The following DZANK1 variants were observed in gnomAD, a reference collection of about 807,000 sequenced individuals.
The protein encoded by DZANK1 is double zinc ribbon and ankyrin repeat domains 1.
A neutral mutation model predicts 94.5 loss-of-function variants in DZANK1; 91 were observed. The ratio of observed to expected loss-of-function variants is 0.96; its 90% CI spans 0.81 to 1.15. The LOEUF (loss-of-function observed/expected upper bound fraction) is 1.15. Among genes scored for constraint, DZANK1 ranks in the 50% most tolerant of loss-of-function variants. DZANK1 has a pLI of 0.00. For synonymous variants in DZANK1, 312 were observed against 325.3 expected, an observed-to-expected ratio of 0.96 and a Z score of 0.44; for missense variants, 903 against 916.4, an observed-to-expected ratio of 0.99 and a Z score of 0.19.
At chr20:18,385,827 T>C (rs1018596398) in intron 19 of DZANK1, among the ~76,000 whole-genome samples, 3 of 152,132 alleles carry the variant, frequency 2.0e-5, no homozygotes, top group African/African-American at 7.2e-5. Flanking sequence ...ACACCAATCT[T>C]AGAAACCAGG....
chr20:18,465,332 A>C, exon 2 of DZANK1: 4 of 1,607,678 alleles, frequency 2.5e-6, no homozygotes, highest in Non-Finnish European at 3.4e-6. Context: ...GTATGATCTG[A>C]GGGACACACA....
rs16979098 is a variant in DZANK1, at chr20:18,421,797, C to T, written c.954+5270G>A. 2.4e-3 allele frequency among the ~76,000 whole-genome samples: 363 copies of T among 152,298 alleles called. 5 individuals carry two copies. Among genetic ancestry groups the T allele is most frequent in the Admixed American group, 0.02 (305 of 15,300 alleles). ...TCAGCTGGATTTGCAGGTGCCTCATCCACCCTGGAGCATCATCTGGCCCCA... is the reference window on the plus strand; with the variant it reads ...TCAGCTGGATTTGCAGGTGCCTCATTCACCCTGGAGCATCATCTGGCCCCA... On this transcript the variant is annotated intron_variant, in intron 10 of 20. Coordinates refer to ENST00000262547, the Ensembl canonical transcript of DZANK1.
At chr20:18,394,455 T>G in intron 15 of DZANK1, 105 bp from the exon 16 acceptor site, 65 of 1,082,570 alleles carry the variant, frequency 6.0e-5, no homozygotes, top group Non-Finnish European at 8.5e-5. Flanking sequence ...AGTACAGCTC[T>G]ACCTACCCAG....
chr20:18,445,950 A>T (rs530657502), intron 7 of DZANK1, among the ~76,000 whole-genome samples: 66 of 151,382 alleles, frequency 4.4e-4, no homozygotes, highest in African/African-American at 1.5e-3. Flanking sequence ...TTTTTAGCAG[A>T]GACGGGGTTT....
intron 15 of DZANK1, among the ~76,000 whole-genome samples, chr20:18,395,391 A>C (rs1241387971): frequency 2.0e-5 from 3 of 152,062 alleles, no homozygotes; most frequent in Non-Finnish European, 4.4e-5. Context: ...CCAAACCAAA[A>C]CAAAACAATG....
exon 8 of DZANK1, chr20:18,443,392 G>T: frequency 6.5e-7 from 1 of 1,547,878 alleles, no homozygotes; most frequent in Admixed American, 2.0e-5. Flanking sequence ...ATATGGGTGG[G>T]ACAGGAGAGC....
chr20:18,454,368 G>C (rs937988554), intron 4 of DZANK1: 3 of 211,192 alleles, frequency 1.4e-5, no homozygotes, highest in Non-Finnish European at 2.9e-5. Flanking sequence ...ACCCATGCCT[G>C]CATCTACCAA....
At chr20:18,414,612 C>T in intron 11 of DZANK1, 100 bp from the exon 12 acceptor site, 1 of 1,361,006 alleles carries the variant, frequency 7.3e-7, no homozygotes, top group Non-Finnish European at 9.9e-7. Context: ...GACTCTCTGA[C>T]CCAGCCATTC....
intron 6 of DZANK1, among the ~76,000 whole-genome samples, chr20:18,451,517 C>G (rs1379392371): frequency 6.6e-6 from 1 of 152,146 alleles, no homozygotes; most frequent in Admixed American, 6.5e-5. Context: ...CTAGTGATCT[C>G]GTTCAGACCT....
intron 10 of DZANK1, among the ~76,000 whole-genome samples, chr20:18,417,042 A>AAAC (rs1274553280): frequency 1.3e-5 from 2 of 151,560 alleles, no homozygotes; most frequent in Non-Finnish European, 2.9e-5. Flanking sequence ...AACAAAAAAA[A>AAAC]AAAAGAAGAG....
exon 3 of DZANK1, chr20:18,460,175 C>T: frequency 1.3e-6 from 2 of 1,558,162 alleles, no homozygotes; most frequent in Non-Finnish European, 1.8e-6. Context: ...ATAGCTTTAA[C>T]TTGTATTTTT....
chr20:18,394,825 GTTGC>G (rs1398943565), intron 15 of DZANK1: 2 of 456,990 alleles, frequency 4.4e-6, no homozygotes, highest in Non-Finnish European at 8.8e-6. Context: ...GAAGAAGCAG[GTTGC>G]TTAACTTCTC....
intron 8 of DZANK1, among the ~76,000 whole-genome samples, chr20:18,442,261 G>T (rs150618173): frequency 2.7e-4 from 41 of 152,206 alleles, no homozygotes; most frequent in African/African-American, 9.9e-4. Context: ...CCCTTTCCAG[G>T]CAAGTAGAAA....
intron 13 of DZANK1, among the ~76,000 whole-genome samples, chr20:18,403,796 CTTTTTT>C (rs35824877): frequency 1.8e-5 from 2 of 111,740 alleles, no homozygotes; most frequent in African/African-American, 3.4e-5. Context: ...AACTTTCTTT[CTTTTTT>C]TTTTTTTTTT....
At chr20:18,462,181 G>A (rs2059494736) in intron 2 of DZANK1, among the ~76,000 whole-genome samples, 1 of 151,730 alleles carries the variant, frequency 6.6e-6, no homozygotes, top group African/African-American at 2.4e-5. Context: ...CTAGGTATAG[G>A]GGATATGCAA....
In DZANK1 at chr20:18,389,836, A is replaced by C. The variant is rs769693437; in HGVS notation, c.1891-8T>G. On this transcript the variant is annotated splice_polypyrimidine_tract_variant and splice_region_variant and intron_variant, in intron 18 of 20. Coordinates refer to ENST00000262547, the Ensembl canonical transcript of DZANK1. ...GCAGTTGGGGTCTGCTCCCTGCAGC[A>C]AACGGAAAAGGACAAACTCTCCAAA... is the stretch of plus-strand genomic sequence containing the variant. 6 of 1,613,858 alleles carry C rather than the reference A, an allele frequency of 3.7e-6. No homozygotes were observed. Among genetic ancestry groups the C allele is most frequent in the Non-Finnish European group, 5.1e-6 (6 of 1,179,782 alleles).
intron 3 of DZANK1, among the ~76,000 whole-genome samples, 195 bp from the exon 4 acceptor site, chr20:18,455,556 A>C (rs775148803): frequency 2.0e-5 from 3 of 152,182 alleles, no homozygotes; most frequent in Non-Finnish European, 4.4e-5. Context: ...GCTATGTAAC[A>C]AACCACCCCA....
chr20:18,446,750 C>T (rs1006560325), intron 7 of DZANK1, among the ~76,000 whole-genome samples: 2 of 152,178 alleles, frequency 1.3e-5, no homozygotes, highest in Admixed American at 6.5e-5. Flanking sequence ...TTGTGAATTT[C>T]TACCAAATAT....
intron 4 of DZANK1, 76 bp from the exon 5 acceptor site, chr20:18,453,903 G>A: frequency 1.1e-6 from 1 of 923,134 alleles, no homozygotes; most frequent in Non-Finnish European, 1.8e-6. Flanking sequence ...TAGAGAAAGT[G>A]TCATGGTGTG....
Sources: gnomAD v4.1 joint callset for allele counts (sites outside exome capture counted in the v4.1 genomes callset) on GRCh38, gnomAD v4.1.1 for gene constraint, MANE v1.5 for transcripts, NCBI Gene and HGNC (gene_info 2026-07-23, HGNC 2026-07-21) for gene names.